MAP3K20: variants seen among roughly 807,000 people sequenced by gnomAD.
MAP3K20 encodes mitogen-activated protein kinase kinase kinase 20, also known as HCCS-4.
In MAP3K20, 40 loss-of-function variants were observed where a neutral mutation model predicts 85.7. The ratio of observed to expected loss-of-function variants is 0.47; its 90% CI spans 0.36 to 0.61. MAP3K20 has a LOEUF of 0.61. Among genes scored for constraint, MAP3K20 ranks in the 20% least tolerant of loss-of-function variants. The probability of loss-of-function intolerance (pLI) is 0.00; values close to 1 mark genes in which losing one functional copy is unlikely to be tolerated. For synonymous variants in MAP3K20, 325 were observed against 327.7 expected (o/e 0.99, Z 0.09); for missense variants, 817 against 961.7 (o/e 0.85, Z 1.99).
intron 16 of MAP3K20, among the ~76,000 whole-genome samples, chr2:173,248,940 TAA>T (rs1234348874): frequency 6.6e-6 from 1 of 152,226 alleles, no homozygotes; most frequent in African/African-American, 2.4e-5. Context: ...ACTATAATAA[TAA>T]GTGTCTTTAA....
At position 173,198,808 on chromosome 2, in the gene MAP3K20, T is replaced by C. The variant is rs1216730531; in HGVS notation, c.669+696T>C. ...CTTCCCACAAATTGAGGCTTTCAGT[T>C]AGTTGGACCTATGAGCCTACATCAG... is the stretch of plus-strand genomic sequence containing the variant. On this transcript the variant is annotated intron_variant, in intron 8 of 19. Transcript: ENST00000375213. The surrounding 1 kb of genome is among the most constrained non-coding windows in gnomAD (Gnocchi z 5.8). 1 of 152,596 alleles carries C rather than the reference T, an allele frequency of 6.6e-6. No homozygotes were observed. Among genetic ancestry groups the C allele is most frequent in the African/African-American group, 2.4e-5 (1 of 41,422 alleles). The allele number at this position is 152,596 out of a possible 1,614,324, so 9.5% of individuals were successfully genotyped here.
chr2:173,098,077 G>T (rs1305087153), intron 2 of MAP3K20, among the ~76,000 whole-genome samples: 2 of 152,150 alleles, frequency 1.3e-5, no homozygotes, highest in African/African-American at 4.8e-5. Context: ...CGTTAAAGAA[G>T]AATAATGCCA....
intron 2 of MAP3K20, among the ~76,000 whole-genome samples, chr2:173,094,018 C>T (rs1477322019): frequency 3.4e-4 from 48 of 140,978 alleles, no homozygotes; most frequent in Middle Eastern, 3.5e-3. Context: ...AGGGATAGCA[C>T]TGGGAGATAT....
At chr2:173,242,699 CTTTTTTTTTTTT>C (rs68173816) in intron 16 of MAP3K20, among the ~76,000 whole-genome samples, 1 of 80,976 alleles carries the variant, frequency 1.2e-5, no homozygotes, top group Admixed American at 1.7e-4. Flanking sequence ...AGTAATCTTT[CTTTTTTTTTTTT>C]TTTTTTTTTT....
Position 173,226,525 on chromosome 2 carries a change from T to C in MAP3K20, c.988-3164T>C, listed in dbSNP as rs376990585. The C allele has an allele frequency of 1.2e-3, 1,225 of 985,854 alleles. 24 individuals are homozygous for C. In the South Asian group the frequency reaches 0.049, roughly 40 times the overall value. The allele number at this position is 985,854 out of a possible 1,614,324, so 61.1% of individuals were successfully genotyped here. A position where few individuals can be genotyped will look rare whatever the true frequency, so the allele number is the denominator to read the frequency against. On this transcript the variant is annotated intron_variant, in intron 11 of 19. Transcript: ENST00000375213. ...CTATTCTCTCCTCTCGATTGTAGCA[T>C]AGCCTGACAGCTCTAGATACAGCAT...
Position 173,263,877 on chromosome 2 carries a change from G to A in MAP3K20, c.1684G>A (p.Gly562Arg), listed in dbSNP as rs753972418. The A allele has an allele frequency of 1.9e-6, 3 of 1,610,876 alleles. No individual in the cohort carries two copies. Among genetic ancestry groups the A allele is most frequent in the African/African-American group, 2.7e-5 (2 of 74,826 alleles). Residue 562 changes from glycine to arginine, a missense_variant, in exon 19 of 20, where the codon GGA (glycine) becomes AGA (arginine). Gly to Arg is a moderately radical substitution (Grantham distance 125, BLOSUM62 -2). Around this residue, in one of 4 missense-constraint regions of MAP3K20, gnomAD observed 454 missense variants for 476.9 expected, o/e 0.95. Coordinates refer to ENST00000375213, the MANE Select transcript of MAP3K20 (RefSeq NM_016653.3). ...TLFTNSDGNP[G>R]SRSDSSADCQ... The stretch of plus-strand genomic sequence containing the variant: ...ATTCACCAATTCAGATGGCAACCCT[G>A]GAAGCAGGTCCGACTCAAGTAAGTT...
intron 2 of MAP3K20, among the ~76,000 whole-genome samples, chr2:173,134,391 TAC>T (rs1274030934): frequency 5.1e-5 from 2 of 39,258 alleles, no homozygotes; most frequent in South Asian, 8.4e-4. Flanking sequence ...TGTGTCTCTA[TAC>T]ATATATATAT....
chr2:173,227,248 C>A, intron 11 of MAP3K20: 1 of 560,270 alleles, frequency 1.8e-6, no homozygotes, highest in South Asian at 7.8e-5. Context: ...CAAGTGTTAG[C>A]TTTTCTCTCC....
Position 173,163,758 on chromosome 2 carries a change from C to T in MAP3K20, c.160-6047C>T, listed in dbSNP as rs540198715. 2.7e-4 allele frequency among the ~76,000 whole-genome samples: 41 copies of T among 152,228 alleles called. No individual in the cohort carries two copies. The South Asian group carries it at 8.1e-3, about 30-fold the overall frequency. ...TGATTTATATTCCCTTGGGTTTCCCCCATTATATTCCATTACCCAGTAATG... is the reference window on the plus strand; with the variant it reads ...TGATTTATATTCCCTTGGGTTTCCCTCATTATATTCCATTACCCAGTAATG... On this transcript the variant is annotated intron_variant, in intron 2 of 19. Coordinates refer to ENST00000375213, the MANE Select transcript of MAP3K20 (RefSeq NM_016653.3).
intron 2 of MAP3K20, among the ~76,000 whole-genome samples, chr2:173,097,898 C>T (rs76429570): frequency 0.016 from 2,368 of 152,136 alleles, 59 homozygotes; most frequent in African/African-American, 0.054. Flanking sequence ...AATATGATAT[C>T]GTTTAGTGAT....
intron 11 of MAP3K20, among the ~76,000 whole-genome samples, chr2:173,219,973 C>T (rs767787418): frequency 1.3e-5 from 2 of 148,866 alleles, no homozygotes; most frequent in Non-Finnish European, 3.0e-5. Flanking sequence ...GAGGCTGAGG[C>T]AGGAGAATCG....
At chr2:173,128,302 T>G (rs1231981656) in intron 2 of MAP3K20, among the ~76,000 whole-genome samples, 2 of 101,812 alleles carry the variant, frequency 2.0e-5, no homozygotes, top group African/African-American at 3.3e-5. Context: ...ATGGAAAACA[T>G]TATAGTTGAC....
chr2:173,165,260 T>A (rs1168076371), intron 2 of MAP3K20, among the ~76,000 whole-genome samples: 1 of 149,880 alleles, frequency 6.7e-6, no homozygotes, highest in Non-Finnish European at 1.5e-5. Flanking sequence ...AAAAAAAAAA[T>A]ACAAAAATTA....
chr2:173,203,922 T>G, intron 9 of MAP3K20, 52 bp downstream of exon 9: 1 of 1,542,178 alleles, frequency 6.5e-7, no homozygotes, highest in Non-Finnish European at 9.0e-7. Context: ...TTCTCTTGTT[T>G]GGCTTTCAGT....
intron 2 of MAP3K20, among the ~76,000 whole-genome samples, chr2:173,126,535 A>G (rs571078144): frequency 2.8e-4 from 43 of 152,192 alleles, no homozygotes; most frequent in African/African-American, 1.0e-3. Flanking sequence ...ATGCACCATC[A>G]CACCTAGCTA....
At chr2:173,196,070 C>G (rs991522282) in intron 7 of MAP3K20, among the ~76,000 whole-genome samples, 3 of 74,460 alleles carry the variant, frequency 4.0e-5, no homozygotes, top group Non-Finnish European at 1.1e-4. Context: ...TGCATGTGTG[C>G]ACACATGTAC....
chr2:173,253,215 AC>A (rs1685081424), intron 16 of MAP3K20, among the ~76,000 whole-genome samples: 1 of 152,158 alleles, frequency 6.6e-6, no homozygotes, highest in Non-Finnish European at 1.5e-5. Context: ...CTGCCAGATG[AC>A]AAACCAGCTA....
chr2:173,131,109 C>T (rs1688606542), intron 2 of MAP3K20, among the ~76,000 whole-genome samples: 1 of 152,112 alleles, frequency 6.6e-6, no homozygotes, highest in African/African-American at 2.4e-5. Flanking sequence ...GGTGAAAAAT[C>T]GCAGCAACAG....
chr2:173,204,622 A>G (rs192320136), intron 9 of MAP3K20, among the ~76,000 whole-genome samples: 1 of 152,214 alleles, frequency 6.6e-6, no homozygotes, highest in African/African-American at 2.4e-5. Flanking sequence ...ACATATGGAA[A>G]TGTTTACAGA....
Sources: gnomAD v4.1 joint callset for allele counts (sites outside exome capture counted in the v4.1 genomes callset) on GRCh38, gnomAD v4.1.1 for gene constraint, gnomAD v4.1.1 regional missense constraint, Gnocchi (gnomAD v3.1) non-coding constraint, MANE v1.5 for transcripts, NCBI Gene and HGNC (gene_info 2026-07-23, HGNC 2026-07-21) for gene names.